The following OSBP2 variants were observed in gnomAD, a reference collection of about 807,000 sequenced individuals.
OSBP2 encodes oxysterol-binding protein 2.
A neutral mutation model predicts 96.0 loss-of-function variants in OSBP2; 66 were observed. The observed-to-expected ratio is 0.69, with a 90% CI of 0.56 to 0.84. The LOEUF is 0.84. OSBP2 is among the 40% of genes least tolerant of loss of function. OSBP2 has a pLI of 0.00. For missense variants in OSBP2, 1,038 were observed against 1,222.7 expected (o/e 0.85, Z 2.25); for synonymous variants, 525 against 520.9 (o/e 1.01, Z -0.11).
intron 12 of OSBP2, among the ~76,000 whole-genome samples, chr22:30,900,046 G>A (rs937720558): frequency 1.3e-5 from 2 of 152,154 alleles, no homozygotes; most frequent in South Asian, 2.1e-4. Flanking sequence ...ATCACCTGAG[G>A]TCGGGAGTTT....
chr22:30,841,110 A>T (rs973527013), intron 2 of OSBP2, among the ~76,000 whole-genome samples: 5 of 152,162 alleles, frequency 3.3e-5, no homozygotes, highest in Admixed American at 3.3e-4. Flanking sequence ...GGCTGCAGTG[A>T]GCTGAGATTG....
At chr22:30,721,883 G>A (rs1181008785) in intron 1 of OSBP2, among the ~76,000 whole-genome samples, 1 of 152,134 alleles carries the variant, frequency 6.6e-6, no homozygotes, top group Non-Finnish European at 1.5e-5. Context: ...TAGAAACTTT[G>A]CTTAGTGTAG....
intron 1 of OSBP2, among the ~76,000 whole-genome samples, chr22:30,729,006 C>T (rs2089700220): frequency 2.0e-5 from 3 of 152,098 alleles, no homozygotes; most frequent in South Asian, 2.1e-4. Flanking sequence ...TTACTAATGC[C>T]GAAATCCACA....
chr22:30,902,549 A>G, intron 12 of OSBP2: 10 of 1,235,498 alleles, frequency 8.1e-6, no homozygotes, highest in Non-Finnish European at 1.2e-5. Context: ...GTAGTCACCC[A>G]GGTGACTGGG....
chr22:30,762,409 G>A (rs1307797540), intron 2 of OSBP2, among the ~76,000 whole-genome samples: 1 of 151,934 alleles, frequency 6.6e-6, no homozygotes, highest in Non-Finnish European at 1.5e-5. Flanking sequence ...TTAGCCGGGC[G>A]TGGTGGCGGG....
At chr22:30,822,855 AC>A (rs2038311538) in intron 2 of OSBP2, 1 of 667,838 alleles carries the variant, frequency 1.5e-6, no homozygotes, top group Admixed American at 3.5e-5. Context: ...GCCTCGGGGA[AC>A]CCCTGTCCCC....
chr22:30,865,331 C>A (rs1012890316), intron 2 of OSBP2, among the ~76,000 whole-genome samples: 2 of 152,090 alleles, frequency 1.3e-5, no homozygotes, highest in Non-Finnish European at 2.9e-5. Context: ...GAAGTAAACT[C>A]AAGACAGTTA....
At position 30,695,052 on chromosome 22, in the gene OSBP2, C is replaced by T; in HGVS notation, c.143C>T (p.Pro48Leu). The change falls in exon 1 of 14, where the codon CCG becomes CTG. Residue 48 changes from proline (P) to leucine (L), a missense_variant. Coordinates refer to ENST00000332585, the MANE Select transcript of OSBP2 (RefSeq NM_030758.4). ...AGCGCTTCCACGTCCGGCTCCGGGC[C>T]GGAGCCCAAGCCCCAGCCCCAGCCC... The part of the protein sequence containing the change: ...GMSASTSGSG[P>L]EPKPQPQPVP... 1 of 1,590,146 alleles carries T rather than the reference C, an allele frequency of 6.3e-7. No homozygotes were observed. The highest frequency in any genetic ancestry group is 8.5e-7 in the Non-Finnish European group (1 of 1,170,094).
intron 2 of OSBP2, among the ~76,000 whole-genome samples, chr22:30,781,729 A>G (rs552853614): frequency 6.6e-6 from 1 of 152,280 alleles, no homozygotes; most frequent in African/African-American, 2.4e-5. Context: ...AGGTCTGACC[A>G]CAGGAAGGTT....
At position 30,888,278 on chromosome 22, in the gene OSBP2, C is replaced by T. The variant is rs1422966651; in HGVS notation, c.1356C>T (p.Tyr452=). ...EDSEEDEDTE[Y]FDAMEDSTSF... is the part of the protein sequence containing the mutation. ...GTGAGGAAGATGAAGATACCGAGTA[C>T]TTTGATGCCATGGAAGACTCCACAT... Residue 452 remains tyrosine (Y), a synonymous_variant, in exon 5 of 14, where the codon TAC becomes TAT. Transcript: ENST00000332585. 3 of 1,613,858 alleles carry T rather than the reference C, an allele frequency of 1.9e-6. No homozygotes were observed. In the African/African-American group the frequency reaches 4.0e-5, roughly 22 times the overall value.
intron 12 of OSBP2, among the ~76,000 whole-genome samples, chr22:30,903,873 C>T (rs748985387): frequency 6.6e-6 from 1 of 152,232 alleles, no homozygotes; most frequent in African/African-American, 2.4e-5. Context: ...TGGCACTTTA[C>T]TCATTTCCCT....
upstream of OSBP2, chr22:30,694,458 G>C: frequency 7.5e-7 from 1 of 1,340,964 alleles, no homozygotes; most frequent in Non-Finnish European, 9.9e-7. Flanking sequence ...GCTTTCCTGG[G>C]TGGCGGAGAG....
intron 2 of OSBP2, among the ~76,000 whole-genome samples, chr22:30,775,273 A>G (rs1166737117): frequency 6.6e-6 from 1 of 152,082 alleles, no homozygotes; most frequent in Non-Finnish European, 1.5e-5. Flanking sequence ...CCATCTGTGC[A>G]CATTTCACTG....
intron 2 of OSBP2, among the ~76,000 whole-genome samples, chr22:30,850,389 T>G (rs1302686821): frequency 6.6e-6 from 1 of 152,116 alleles, no homozygotes; most frequent in Non-Finnish European, 1.5e-5. Context: ...AAGTCCATAC[T>G]TACGCCAATA....
intron 2 of OSBP2, among the ~76,000 whole-genome samples, chr22:30,836,632 A>T (rs796850126): frequency 2.0e-4 from 31 of 152,284 alleles, no homozygotes; most frequent in African/African-American, 7.5e-4. Flanking sequence ...CACTAAGTTT[A>T]TGTCTTTGGG....
At chr22:30,701,344 C>CTTTTTTTTTTTTT (rs1228654999) in intron 1 of OSBP2, among the ~76,000 whole-genome samples, 2 of 127,990 alleles carry the variant, frequency 1.6e-5, no homozygotes, top group South Asian at 2.5e-4. Context: ...TTTTTCTTTT[C>CTTTTTTTTTTTTT]TTTTTTTTTT....
At chr22:30,714,908 G>A (rs531894996) in intron 1 of OSBP2, among the ~76,000 whole-genome samples, 2 of 152,222 alleles carry the variant, frequency 1.3e-5, no homozygotes, top group East Asian at 1.9e-4. Flanking sequence ...GAGCCACCAC[G>A]CCCAGCCTTC....
At position 30,876,967 on chromosome 22, in the gene OSBP2, C is replaced by G. The variant is rs2039596569; in HGVS notation, c.1107+6285C>G. Among the ~76,000 whole-genome samples, 9 of 152,312 alleles carry G rather than the reference C, an allele frequency of 5.9e-5. No homozygotes were observed. The South Asian group carries it at 1.9e-3, about 32-fold the overall frequency. ...TCCCCTGTCTACCCTCACCCTGCAT[C>G]CCTGTCCTGGCACCACTGGCCACCC... On this transcript the variant is annotated intron_variant, in intron 3 of 13. Transcript: ENST00000332585.
intron 2 of OSBP2, among the ~76,000 whole-genome samples, chr22:30,831,757 C>T (rs1195542773): frequency 3.3e-5 from 5 of 152,064 alleles, no homozygotes; most frequent in Non-Finnish European, 5.9e-5. Context: ...TTAGCTTTCC[C>T]AAGGGACATT....
Sources: gnomAD v4.1 joint callset for allele counts (sites outside exome capture counted in the v4.1 genomes callset) on GRCh38, gnomAD v4.1.1 for gene constraint, MANE v1.5 for transcripts, NCBI Gene and HGNC (gene_info 2026-07-23, HGNC 2026-07-21) for gene names.